Variants in STK3 observed in about 807,000 individuals in gnomAD.
STK3 encodes the protein serine/threonine kinase 3.
In STK3, 41 loss-of-function variants were observed where a neutral mutation model predicts 58.0. The observed-to-expected ratio is 0.71, with a 90% CI of 0.55 to 0.92. STK3 has a LOEUF of 0.92. STK3 is among the 40% of genes least tolerant of loss of function. STK3 has a pLI of 0.00. For synonymous variants in STK3, 170 were observed against 191.0 expected (o/e 0.89, Z 0.91); for missense variants, 479 against 602.7 (o/e 0.79, Z 2.15).
At chr8:98,633,829 T>G in intron 6 of STK3, 1 of 453,028 alleles carries the variant, frequency 2.2e-6, no homozygotes, top group South Asian at 2.9e-5. Flanking sequence ...AACTTCAAAT[T>G]TGAAGATCCC....
intron 1 of STK3, among the ~76,000 whole-genome samples, chr8:98,884,609 A>C (rs912287645): frequency 1.9e-4 from 29 of 152,192 alleles, no homozygotes; most frequent in Admixed American, 6.6e-5. Flanking sequence ...CAATATGTTG[A>C]AATGCGAGCC....
chr8:98,532,295 CA>C (rs2131512459), intron 9 of STK3, among the ~76,000 whole-genome samples: 1 of 152,184 alleles, frequency 6.6e-6, no homozygotes, highest in East Asian at 1.9e-4. Flanking sequence ...TGTGATGTCT[CA>C]GAGAAAAGGG....
At chr8:98,487,455 T>G (rs1039799019) in intron 10 of STK3, among the ~76,000 whole-genome samples, 5 of 152,216 alleles carry the variant, frequency 3.3e-5, no homozygotes, top group African/African-American at 4.8e-5. Context: ...CCTAAATAGC[T>G]AATTCAAGGC....
intron 1 of STK3, among the ~76,000 whole-genome samples, chr8:98,780,888 C>G (rs898201231): frequency 1.3e-5 from 2 of 152,042 alleles, no homozygotes; most frequent in Admixed American, 6.6e-5. Flanking sequence ...CAAGGAAACA[C>G]CAATATTTAA....
intron 7 of STK3, among the ~76,000 whole-genome samples, chr8:98,590,898 T>C (rs1032907630): frequency 3.3e-5 from 5 of 152,194 alleles, no homozygotes; most frequent in African/African-American, 1.2e-4. Context: ...ATGTAAAACA[T>C]ACATGTTTTA....
At chr8:98,885,990 A>T (rs1357656942) in intron 1 of STK3, among the ~76,000 whole-genome samples, 2 of 152,222 alleles carry the variant, frequency 1.3e-5, no homozygotes, top group African/African-American at 4.8e-5. Flanking sequence ...CTTATATAAC[A>T]TTCTTAAAAT....
At chr8:98,633,839 C>A in intron 6 of STK3, 1 of 440,662 alleles carries the variant, frequency 2.3e-6, no homozygotes. Context: ...TTGAAGATCC[C>A]AAACTTGAAG....
chr8:98,656,647 C>T (rs1258045060), intron 6 of STK3, among the ~76,000 whole-genome samples: 4 of 151,946 alleles, frequency 2.6e-5, no homozygotes, highest in Non-Finnish European at 5.9e-5. Flanking sequence ...GAATTATTTT[C>T]AGTTAAAGGC....
At chr8:98,546,504 C>T (rs1444238678) in intron 9 of STK3, among the ~76,000 whole-genome samples, 1 of 152,136 alleles carries the variant, frequency 6.6e-6, no homozygotes, top group Non-Finnish European at 1.5e-5. Flanking sequence ...TCTAATTGAT[C>T]TGTTAAGAAT....
intron 3 of STK3, among the ~76,000 whole-genome samples, chr8:98,850,643 A>G (rs574059052): frequency 2.0e-5 from 3 of 152,292 alleles, no homozygotes; most frequent in South Asian, 4.1e-4. Context: ...GTACGAAGGC[A>G]TGAAGATGTA....
chr8:98,813,912 TAAAATA>T (rs1182348080), intron 1 of STK3, among the ~76,000 whole-genome samples: 2 of 152,200 alleles, frequency 1.3e-5, no homozygotes, highest in Non-Finnish European at 2.9e-5. Context: ...CATGTTCTAG[TAAAATA>T]AAAATTAAAA....
intron 1 of STK3, among the ~76,000 whole-genome samples, chr8:98,818,870 G>C (rs1834716551): frequency 6.6e-6 from 1 of 152,106 alleles, no homozygotes; most frequent in African/African-American, 2.4e-5. Flanking sequence ...GCCCAGGCTG[G>C]AGTTCGGTGG....
intron 9 of STK3, among the ~76,000 whole-genome samples, chr8:98,527,211 T>C (rs1397373566): frequency 6.6e-6 from 1 of 152,226 alleles, no homozygotes; most frequent in African/African-American, 2.4e-5. Context: ...TCATTTCAGC[T>C]TTATTTCAAA....
intron 1 of STK3, among the ~76,000 whole-genome samples, chr8:98,918,750 CAG>C (rs996800231): frequency 6.6e-6 from 1 of 152,100 alleles, no homozygotes; most frequent in African/African-American, 2.4e-5. Flanking sequence ...GCCTGGGTGA[CAG>C]AGTGAGACCC....
intron 6 of STK3, chr8:98,598,228 A>T (rs1463147980): frequency 2.0e-6 from 2 of 985,302 alleles, no homozygotes; most frequent in Middle Eastern, 5.2e-4. Context: ...ACTTTGAGGC[A>T]ATGAGTTGCA....
chr8:98,442,288 A>C (rs1268301376), intron 1 of STK3, among the ~76,000 whole-genome samples: 3 of 152,170 alleles, frequency 2.0e-5, no homozygotes, highest in Admixed American at 6.5e-5. Context: ...AAAGCACCTC[A>C]TCCATTCCTG....
chr8:98,905,580 C>T (rs1838865420), intron 1 of STK3: 1 of 1,079,990 alleles, frequency 9.3e-7, no homozygotes, highest in East Asian at 2.4e-5. Context: ...AATGATGTCA[C>T]ATTCCAGCAC....
intron 6 of STK3, chr8:98,598,412 T>C (rs1816017618): frequency 3.0e-6 from 3 of 985,250 alleles, no homozygotes; most frequent in Non-Finnish European, 3.6e-6. Context: ...ACACCGAGCA[T>C]ACAGTCCAAA....
chr8:98,587,800 T>TA (rs1329250872), intron 7 of STK3, among the ~76,000 whole-genome samples: 1 of 152,174 alleles, frequency 6.6e-6, no homozygotes, highest in African/African-American at 2.4e-5. Context: ...GGTGCATATA[T>TA]ATTTAGTATA....
Sources: gnomAD v4.1 joint callset for allele counts (sites outside exome capture counted in the v4.1 genomes callset) on GRCh38, gnomAD v4.1.1 for gene constraint, MANE v1.5 for transcripts, NCBI Gene and HGNC (gene_info 2026-07-23, HGNC 2026-07-21) for gene names.